ZNF644: variants seen among roughly 807,000 people sequenced by gnomAD.
ZNF644 encodes the protein zinc finger motif enhancer binding protein 2.
In ZNF644, 20 loss-of-function variants were observed where a neutral mutation model predicts 108.0. The ratio of observed to expected loss-of-function variants is 0.19; its 90% CI spans 0.13 to 0.27. The LOEUF is 0.27. Ranked by LOEUF, ZNF644 falls within the 10% of genes least tolerant of loss-of-function variation. ZNF644 has a pLI of 1.00. For synonymous variants in ZNF644, 542 were observed against 539.1 expected, an observed-to-expected ratio of 1.01 and a Z score of -0.08; for missense variants, 1,338 against 1,548.9, an observed-to-expected ratio of 0.86 and a Z score of 2.29.
intron 2 of ZNF644, among the ~76,000 whole-genome samples, chr1:90,959,293 A>T (rs572558032): frequency 6.6e-6 from 1 of 152,266 alleles, no homozygotes; most frequent in East Asian, 1.9e-4. Context: ...AGAAACAGAG[A>T]CCCTCATACA....
intron 2 of ZNF644, among the ~76,000 whole-genome samples, chr1:90,958,946 CA>C (rs371450086): frequency 1.5e-5 from 1 of 65,338 alleles, no homozygotes; most frequent in East Asian, 2.5e-4. Flanking sequence ...CAGCAAAAAA[CA>C]AAACAAACAA....
chr1:90,993,806 T>A (rs533326345), intron 1 of ZNF644, among the ~76,000 whole-genome samples: 1 of 152,230 alleles, frequency 6.6e-6, no homozygotes, highest in African/African-American at 2.4e-5. Flanking sequence ...ATATTGTTCC[T>A]AGACAACTTT....
chr1:90,929,812 C>A (rs1650509495), intron 4 of ZNF644, among the ~76,000 whole-genome samples: 2 of 152,216 alleles, frequency 1.3e-5, no homozygotes, highest in South Asian at 4.1e-4. Context: ...GCAAAAGAAA[C>A]CTACTACGAT....
chr1:90,998,059 T>TG (rs1557646576), intron 1 of ZNF644, among the ~76,000 whole-genome samples: 2 of 152,104 alleles, frequency 1.3e-5, no homozygotes, highest in African/African-American at 2.4e-5. Flanking sequence ...AAGCTCGAAC[T>TG]GGGGGGAGCC....
At chr1:90,932,341 T>C (rs1368199913) in intron 4 of ZNF644, among the ~76,000 whole-genome samples, 2 of 152,154 alleles carry the variant, frequency 1.3e-5, no homozygotes, top group Non-Finnish European at 2.9e-5. Flanking sequence ...CAACTTAAAA[T>C]CTACATGAAT....
chr1:90,984,054 G>A (rs1476065421), intron 1 of ZNF644, among the ~76,000 whole-genome samples: 1 of 152,142 alleles, frequency 6.6e-6, no homozygotes, highest in Non-Finnish European at 1.5e-5. Context: ...GCAAGGAATG[G>A]ATTCTCTTCT....
At chr1:90,927,946 C>T (rs1037447997) in intron 4 of ZNF644, among the ~76,000 whole-genome samples, 6 of 152,038 alleles carry the variant, frequency 3.9e-5, no homozygotes, top group Admixed American at 1.3e-4. Context: ...CAGGTTTAAG[C>T]GATTCTCCTG....
At chr1:90,998,610 A>C (rs568428715) in intron 1 of ZNF644, among the ~76,000 whole-genome samples, 31 of 152,372 alleles carry the variant, frequency 2.0e-4, no homozygotes, top group Middle Eastern at 6.8e-3. Flanking sequence ...AGAACAGAGC[A>C]GAAAAGCTGA....
intron 2 of ZNF644, among the ~76,000 whole-genome samples, chr1:90,980,823 C>T (rs547503972): frequency 7.2e-5 from 11 of 151,960 alleles, no homozygotes; most frequent in South Asian, 2.1e-4. Flanking sequence ...AGACTGGAAG[C>T]GGGGAAAGCA....
At chr1:90,999,789 A>C (rs1658570922) in intron 1 of ZNF644, among the ~76,000 whole-genome samples, 1 of 152,192 alleles carries the variant, frequency 6.6e-6, no homozygotes, top group African/African-American at 2.4e-5. Flanking sequence ...TATTCAGAAG[A>C]CCCATCTCAC....
At chr1:90,950,077 C>T (rs1652925981) in intron 2 of ZNF644, among the ~76,000 whole-genome samples, 1 of 151,150 alleles carries the variant, frequency 6.6e-6, no homozygotes, top group African/African-American at 2.4e-5. Flanking sequence ...CAGGAGTTCA[C>T]GACCAGCCTG....
rs1235024649 is a variant in ZNF644 at position 90,938,252 on chromosome 1, C to A, written c.3082+20G>T. The A allele has an allele frequency of 6.2e-7, 1 of 1,613,950 alleles. No individual in the cohort carries two copies. The highest frequency in any genetic ancestry group is 8.5e-7 in the Non-Finnish European group (1 of 1,179,858). On this transcript the variant is annotated intron_variant, in intron 3 of 5. Transcript: ENST00000337393. The surrounding 1 kb of genome is among the most constrained non-coding windows in gnomAD (Gnocchi z 4.2). ...AGAACACAGACCTATCAGCCCAAATCATCCCCATGGAGAACTTACCTTTTC... is the reference window on the plus strand; with the variant it reads ...AGAACACAGACCTATCAGCCCAAATAATCCCCATGGAGAACTTACCTTTTC...
chr1:91,021,738 C>G (rs1274126002), intron 1 of ZNF644: 1 of 280,520 alleles, frequency 3.6e-6, no homozygotes, highest in African/African-American at 2.2e-5. Flanking sequence ...CCTCCCCGAA[C>G]CCGGGGCCCG....
intron 2 of ZNF644, among the ~76,000 whole-genome samples, chr1:90,979,182 A>C (rs1656296953): frequency 6.6e-6 from 1 of 152,156 alleles, no homozygotes; most frequent in Admixed American, 6.5e-5. Flanking sequence ...AAGAGAGTAT[A>C]TTGTTTAGGC....
rs779575081 is a variant in ZNF644 at position 90,938,472 on chromosome 1, T to C, written c.2882A>G (p.Glu961Gly). The C allele has an allele frequency of 6.2e-7, 1 of 1,613,980 alleles. No individual in the cohort carries two copies. Among genetic ancestry groups the C allele is most frequent in the Non-Finnish European group, 8.5e-7 (1 of 1,179,916 alleles). Residue 961 changes from glutamate to glycine, a missense_variant, in exon 3 of 6, where the codon GAG (glutamate) becomes GGG (glycine). Glu to Gly is a moderately conservative substitution (Grantham distance 98). Coordinates refer to ENST00000337393, the MANE Select transcript of ZNF644 (RefSeq NM_201269.3). The surrounding 1 kb of genome is among the most constrained non-coding windows in gnomAD (Gnocchi z 4.2). ...TGGGCAGTAAGGACACGATTTCTTC[T>C]CAAGAGACAAATCAGTCCAATGAAA... ...SVFHWTDLSL[E>G]KKSCPYCPAT...
At chr1:91,013,451 TCACACACACACACA>T (rs10590932) in intron 1 of ZNF644, among the ~76,000 whole-genome samples, 5 of 140,052 alleles carry the variant, frequency 3.6e-5, no homozygotes, top group Admixed American at 7.0e-5. Context: ...AATCTCTCTC[TCACACACACACACA>T]CACACACACA....
At chr1:90,978,222 T>C (rs1319134349) in intron 2 of ZNF644, among the ~76,000 whole-genome samples, 1 of 151,832 alleles carries the variant, frequency 6.6e-6, no homozygotes, top group African/African-American at 2.4e-5. Context: ...TGTGGTGGCA[T>C]GCACCTATAG....
chr1:90,935,787 A>G (rs1408171884), intron 4 of ZNF644, among the ~76,000 whole-genome samples: 2 of 152,210 alleles, frequency 1.3e-5, no homozygotes, highest in African/African-American at 4.8e-5. Context: ...TACACCTATT[A>G]TTACTTTCTT....
chr1:91,019,208 T>C (rs1660672117), intron 1 of ZNF644, among the ~76,000 whole-genome samples: 1 of 152,184 alleles, frequency 6.6e-6, no homozygotes, highest in Non-Finnish European at 1.5e-5. Context: ...TACCACTCAG[T>C]AGAAGTAGTA....
Sources: allele counts gnomAD v4.1 joint callset (sites outside exome capture counted in the v4.1 genomes callset), GRCh38; gene constraint gnomAD v4.1.1; non-coding constraint Gnocchi (gnomAD v3.1); transcripts MANE v1.5; gene names NCBI Gene and HGNC (gene_info 2026-07-23, HGNC 2026-07-21).